CNTLN: variants seen among roughly 807,000 people sequenced by gnomAD.
CNTLN encodes centlein, centrosomal protein.
A neutral mutation model predicts 180.0 loss-of-function variants in CNTLN; 212 were observed. The observed-to-expected ratio is 1.18, with a 90% CI of 1.05 to 1.32. The LOEUF (loss-of-function observed/expected upper bound fraction) is 1.32. Ranked by LOEUF, CNTLN falls within the 40% of genes most tolerant of loss-of-function variation. The pLI is 0.00. For missense variants in CNTLN, 2,095 were observed against 1,610.9 expected (o/e 1.30, Z -5.14); for synonymous variants, 722 against 563.1 (o/e 1.28, Z -3.99).
At chr9:17,138,636 A>G (rs1050467616) in intron 1 of CNTLN, among the ~76,000 whole-genome samples, 2 of 152,170 alleles carry the variant, frequency 1.3e-5, no homozygotes, top group Non-Finnish European at 2.9e-5. Context: ...TTTCATGCTA[A>G]TAATTTACTA....
intron 6 of CNTLN, among the ~76,000 whole-genome samples, chr9:17,283,826 G>A (rs911911928): frequency 6.6e-6 from 1 of 152,032 alleles, no homozygotes; most frequent in Non-Finnish European, 1.5e-5. Flanking sequence ...TTTTATCGAA[G>A]GCCTTTTCTG....
chr9:17,326,535 GT>G (rs1168135921), intron 8 of CNTLN, among the ~76,000 whole-genome samples: 1 of 151,994 alleles, frequency 6.6e-6, no homozygotes, highest in Non-Finnish European at 1.5e-5. Flanking sequence ...ACATATAATA[GT>G]TATATGTGTA....
At chr9:17,261,587 T>G (rs893951329) in intron 5 of CNTLN, among the ~76,000 whole-genome samples, 1 of 151,462 alleles carries the variant, frequency 6.6e-6, no homozygotes, top group Non-Finnish European at 1.5e-5. Context: ...TTTGTAGGGT[T>G]TTCTATGTAT....
intron 5 of CNTLN, among the ~76,000 whole-genome samples, chr9:17,253,375 T>C (rs1219196337): frequency 6.6e-6 from 1 of 151,910 alleles, no homozygotes; most frequent in Admixed American, 6.6e-5. Context: ...ATTTTAACAA[T>C]ATTAATTAAT....
chr9:17,213,711 A>T (rs1034706786), intron 2 of CNTLN, among the ~76,000 whole-genome samples: 1 of 152,100 alleles, frequency 6.6e-6, no homozygotes, highest in Non-Finnish European at 1.5e-5. Flanking sequence ...GTAGGTCTCT[A>T]AGGACTTGCT....
At chr9:17,512,983 A>AT in the CNTLN span, among the ~76,000 whole-genome samples, 37 of 151,772 alleles carry the variant, frequency 2.4e-4, no homozygotes, top group East Asian at 5.9e-4. Flanking sequence ...TGCCCAGCTA[A>AT]TTTTTTTTGT....
intron 18 of CNTLN, among the ~76,000 whole-genome samples, chr9:17,454,616 A>G (rs1199882943): frequency 6.6e-6 from 1 of 152,224 alleles, no homozygotes; most frequent in African/African-American, 2.4e-5. Flanking sequence ...ACTATGTAGT[A>G]GCCTTTACCA....
chr9:17,480,887 A>C (rs1394143475), intron 23 of CNTLN, among the ~76,000 whole-genome samples: 3 of 152,210 alleles, frequency 2.0e-5, no homozygotes, highest in Non-Finnish European at 2.9e-5. Flanking sequence ...AAAATAATAC[A>C]AATGAAGTGT....
intron 1 of CNTLN, among the ~76,000 whole-genome samples, chr9:17,138,279 A>G (rs1817855437): frequency 6.6e-6 from 1 of 152,220 alleles, no homozygotes; most frequent in African/African-American, 2.4e-5. Flanking sequence ...TAGAAAGAGT[A>G]ATATGTTTAT....
At chr9:17,333,166 AAT>A (rs1339457570) in intron 10 of CNTLN, among the ~76,000 whole-genome samples, 1 of 152,064 alleles carries the variant, frequency 6.6e-6, no homozygotes, top group African/African-American at 2.4e-5. Flanking sequence ...GTCAAAATGA[AAT>A]ATATATATAT....
At chr9:17,512,351 A>C in the CNTLN span, among the ~76,000 whole-genome samples, 1 of 152,226 alleles carries the variant, frequency 6.6e-6, no homozygotes, top group East Asian at 1.9e-4. Context: ...AAAAAGAATG[A>C]CATCATTTCC....
intron 18 of CNTLN, among the ~76,000 whole-genome samples, chr9:17,456,248 T>A (rs1831106893): frequency 6.6e-6 from 1 of 152,066 alleles, no homozygotes; most frequent in Non-Finnish European, 1.5e-5. Context: ...TACTTTTAGA[T>A]ATTAATTATT....
chr9:17,155,764 C>G (rs1190923798), intron 2 of CNTLN, among the ~76,000 whole-genome samples: 1 of 151,788 alleles, frequency 6.6e-6, no homozygotes, highest in Non-Finnish European at 1.5e-5. Flanking sequence ...GGCTTGTGTT[C>G]TGGGCGCCAG....
chr9:17,328,684 T>A (rs2133097896), intron 8 of CNTLN, among the ~76,000 whole-genome samples: 1 of 152,264 alleles, frequency 6.6e-6, no homozygotes, highest in South Asian at 2.1e-4. Context: ...GGAACATATC[T>A]ACTTGGTTAA....
intron 1 of CNTLN, among the ~76,000 whole-genome samples, chr9:17,142,464 G>A (rs1818171820): frequency 2.6e-5 from 4 of 151,858 alleles, no homozygotes; most frequent in African/African-American, 9.7e-5. Flanking sequence ...ATTTTTTTTT[G>A]AACAAGTTAA....
chr9:17,289,913 A>C (rs1252557542), intron 6 of CNTLN, among the ~76,000 whole-genome samples: 1 of 142,188 alleles, frequency 7.0e-6, no homozygotes, highest in African/African-American at 2.7e-5. Context: ...CATTCTTCTA[A>C]ATTTTTTTCA....
At chr9:17,191,550 C>A (rs1365146182) in intron 2 of CNTLN, among the ~76,000 whole-genome samples, 4 of 152,066 alleles carry the variant, frequency 2.6e-5, no homozygotes, top group Admixed American at 2.6e-4. Context: ...TGATTAAGAT[C>A]CTAACTAATT....
intron 6 of CNTLN, among the ~76,000 whole-genome samples, chr9:17,295,231 C>G (rs1377934766): frequency 3.3e-5 from 5 of 152,106 alleles, no homozygotes; most frequent in African/African-American, 4.8e-5. Flanking sequence ...TCCCTGCAAG[C>G]TGAGGGAGCC....
chr9:17,297,824 A>G (rs766880942), intron 6 of CNTLN, among the ~76,000 whole-genome samples: 1 of 152,218 alleles, frequency 6.6e-6, no homozygotes, highest in Non-Finnish European at 1.5e-5. Flanking sequence ...TGAAAGGTTG[A>G]CGTACCCTTT....
Sources: allele counts gnomAD v4.1 joint callset (sites outside exome capture counted in the v4.1 genomes callset), GRCh38; gene constraint gnomAD v4.1.1; transcripts MANE v1.5; gene names NCBI Gene and HGNC (gene_info 2026-07-23, HGNC 2026-07-21).